MICU1: variants seen among roughly 807,000 people sequenced by gnomAD.
MICU1 encodes calcium uptake protein 1, mitochondrial.
In MICU1, 45 loss-of-function variants were observed where a neutral mutation model predicts 56.8. The ratio of observed to expected loss-of-function variants is 0.79; its 90% CI spans 0.62 to 1.02. The LOEUF (loss-of-function observed/expected upper bound fraction) is 1.02, where lower values mean the gene tolerates loss of function less well. MICU1 is among the 50% of genes least tolerant of loss of function. The pLI is 0.00. For synonymous variants in MICU1, 186 were observed against 195.1 expected (o/e 0.95, Z 0.39); for missense variants, 504 against 587.1 (o/e 0.86, Z 1.46).
At chr10:72,595,984 TC>T (rs1435136361) in intron 1 of MICU1, among the ~76,000 whole-genome samples, 5 of 147,002 alleles carry the variant, frequency 3.4e-5, no homozygotes, top group African/African-American at 5.1e-5. Flanking sequence ...AAAATTTTTT[TC>T]TTTTTTTTTT....
intron 8 of MICU1, among the ~76,000 whole-genome samples, chr10:72,449,408 AT>A (rs564558402): frequency 2.1e-4 from 31 of 150,552 alleles, no homozygotes; most frequent in South Asian, 2.1e-4. Flanking sequence ...AAAAAAAAAA[AT>A]TTTTTTTTGG....
At chr10:72,609,505 C>T (rs1252725979) in intron 1 of MICU1, among the ~76,000 whole-genome samples, 2 of 151,736 alleles carry the variant, frequency 1.3e-5, no homozygotes, top group African/African-American at 4.8e-5. Flanking sequence ...GAGGCCGAGG[C>T]GGGCAGATCA....
chr10:72,380,105 G>A (rs1344610242), intron 10 of MICU1, among the ~76,000 whole-genome samples: 1 of 152,114 alleles, frequency 6.6e-6, no homozygotes, highest in African/African-American at 2.4e-5. Flanking sequence ...ACAGCAAGCA[G>A]AACAAGTTTT....
intron 1 of MICU1, among the ~76,000 whole-genome samples, chr10:72,612,813 A>AT (rs1841886341): frequency 6.6e-6 from 1 of 151,988 alleles, no homozygotes; most frequent in Non-Finnish European, 1.5e-5. Flanking sequence ...AAAAAAAAAA[A>AT]AGTTGGGATG....
intron 1 of MICU1, among the ~76,000 whole-genome samples, chr10:72,590,820 AAAATAAAT>A (rs981919942): frequency 7.0e-6 from 1 of 143,352 alleles, no homozygotes; most frequent in African/African-American, 2.5e-5. Flanking sequence ...CTCAAAAAAT[AAAATAAAT>A]AAATAAATAA....
intron 5 of MICU1, among the ~76,000 whole-genome samples, chr10:72,512,107 G>GTT (rs869183579): frequency 3.0e-4 from 9 of 29,524 alleles, no homozygotes; most frequent in East Asian, 8.6e-4. Context: ...GTTGTTTTTT[G>GTT]TTTTTTTTTT....
chr10:72,494,806 A>C lies in MICU1; in HGVS notation c.652+13349T>G, dbSNP rs1426888372. On this transcript the variant is annotated intron_variant, in intron 6 of 11. Transcript: ENST00000361114. ...TCTAACAACTGTTTTTCTTTCATTT[A>C]CATTTTTTCCAAAAAATACACTTCA... 2.0e-5 allele frequency among the ~76,000 whole-genome samples: 3 copies of C among 151,930 alleles called. 1 individual carries two copies. In the South Asian group the frequency reaches 6.2e-4, roughly 32 times the overall value.
chr10:72,405,029 C>T (rs1024125843), intron 10 of MICU1, among the ~76,000 whole-genome samples: 8 of 152,162 alleles, frequency 5.3e-5, no homozygotes. Context: ...GCCTCAGCCT[C>T]CCAAGTAGCT....
chr10:72,370,134 CCCAAAGTGCT>C, intron 11 of MICU1, among the ~76,000 whole-genome samples: 1 of 152,130 alleles, frequency 6.6e-6, no homozygotes, highest in South Asian at 2.1e-4. Context: ...ACCTTGGCCT[CCCAAAGTGCT>C]GGATTACAGG....
chr10:72,481,566 C>T (rs1866297222), intron 6 of MICU1, among the ~76,000 whole-genome samples: 1 of 152,066 alleles, frequency 6.6e-6, no homozygotes, highest in African/African-American at 2.4e-5. Flanking sequence ...AGCACACCAC[C>T]ACCCCCGGCT....
intron 9 of MICU1, among the ~76,000 whole-genome samples, chr10:72,418,457 C>G (rs1864055541): frequency 6.6e-6 from 1 of 152,116 alleles, no homozygotes; most frequent in Non-Finnish European, 1.5e-5. Context: ...AAGACAAGAT[C>G]TGGAATAGGA....
chr10:72,569,237 A>ATATATATATATTTTTTTTT, intron 1 of MICU1, among the ~76,000 whole-genome samples: 2 of 34,392 alleles, frequency 5.8e-5, no homozygotes, highest in African/African-American at 1.1e-4. Flanking sequence ...ATATATATAT[A>ATATATATATATTTTTTTTT]TTTTTTTTTT....
intron 8 of MICU1, among the ~76,000 whole-genome samples, chr10:72,469,049 T>C (rs1865875757): frequency 6.6e-6 from 1 of 152,184 alleles, no homozygotes; most frequent in Non-Finnish European, 1.5e-5. Flanking sequence ...TGTGTTTCAG[T>C]TTCTACATCC....
intron 1 of MICU1, among the ~76,000 whole-genome samples, chr10:72,571,045 T>G (rs1248528855): frequency 2.0e-5 from 3 of 152,166 alleles, no homozygotes; most frequent in African/African-American, 7.2e-5. Context: ...GTTTTCAATG[T>G]TTAAAATAAA....
intron 8 of MICU1, among the ~76,000 whole-genome samples, chr10:72,452,559 T>C (rs1865331464): frequency 6.6e-6 from 1 of 152,114 alleles, no homozygotes; most frequent in South Asian, 2.1e-4. Flanking sequence ...CAGATGATGG[T>C]GTATATGTTT....
At chr10:72,612,622 C>A (rs926612542) in intron 1 of MICU1, among the ~76,000 whole-genome samples, 13 of 152,018 alleles carry the variant, frequency 8.6e-5, no homozygotes, top group Non-Finnish European at 1.9e-4. Flanking sequence ...GATAGCAAGA[C>A]CCTGTCTCAC....
chr10:72,583,953 T>C (rs1213107741), intron 1 of MICU1, among the ~76,000 whole-genome samples: 1 of 152,232 alleles, frequency 6.6e-6, no homozygotes, highest in Non-Finnish European at 1.5e-5. Flanking sequence ...TATCTTCCAA[T>C]AGCAGAGAAA....
intron 1 of MICU1, among the ~76,000 whole-genome samples, chr10:72,615,452 C>CT (rs1029560483): frequency 6.0e-4 from 91 of 151,952 alleles, no homozygotes; most frequent in African/African-American, 2.1e-3. Context: ...TTCTCTATTC[C>CT]TTTTTTTTCC....
At chr10:72,418,384 T>G (rs543037712) in intron 9 of MICU1, among the ~76,000 whole-genome samples, 1 of 152,272 alleles carries the variant, frequency 6.6e-6, no homozygotes, top group African/African-American at 2.4e-5. Context: ...AGTGATCCTA[T>G]AGTAGAGAAG....
Sources: allele counts gnomAD v4.1 joint callset (sites outside exome capture counted in the v4.1 genomes callset), GRCh38; gene constraint gnomAD v4.1.1; transcripts MANE v1.5; gene names NCBI Gene and HGNC (gene_info 2026-07-23, HGNC 2026-07-21).